CNTNAP2: variants seen among roughly 807,000 people sequenced by gnomAD.
CNTNAP2 encodes the protein contactin-associated protein-like 2.
In CNTNAP2, 98 loss-of-function variants were observed where a neutral mutation model predicts 155.2. That is an observed-to-expected ratio of 0.63 (90% confidence interval 0.54 to 0.75). The LOEUF (loss-of-function observed/expected upper bound fraction) is 0.75. CNTNAP2 is among the 30% of genes least tolerant of loss of function. The probability of loss-of-function intolerance (pLI) is 0.00; values close to 1 mark genes in which losing one functional copy is unlikely to be tolerated. For missense variants in CNTNAP2, 1,727 were observed against 1,688.1 expected, an observed-to-expected ratio of 1.02 and a Z score of -0.40; for synonymous variants, 651 against 631.2, an observed-to-expected ratio of 1.03 and a Z score of -0.47.
At chr7:146,865,296 G>T (rs1244545029) in intron 3 of CNTNAP2, among the ~76,000 whole-genome samples, 1 of 151,916 alleles carries the variant, frequency 6.6e-6, no homozygotes, top group Admixed American at 6.6e-5. Context: ...AATTGAGTAG[G>T]TTTTTAAATT....
At chr7:146,146,018 C>T (rs1033169223) in intron 1 of CNTNAP2, among the ~76,000 whole-genome samples, 1 of 152,054 alleles carries the variant, frequency 6.6e-6, no homozygotes, top group Middle Eastern at 3.2e-3. Flanking sequence ...AACCACTAAC[C>T]TTTAAATGAT....
chr7:147,585,169 A>G (rs1224029888), intron 12 of CNTNAP2, among the ~76,000 whole-genome samples: 1 of 152,144 alleles, frequency 6.6e-6, no homozygotes, highest in East Asian at 1.9e-4. Flanking sequence ...GTTCCAAATC[A>G]GCAGCAGGCA....
intron 21 of CNTNAP2, chr7:148,381,468 C>A (rs1799058111): frequency 6.6e-6 from 1 of 152,194 alleles, no homozygotes; most frequent in Admixed American, 6.5e-5. Context: ...CTCCTGAAGT[C>A]CAGCCATCTC....
intron 13 of CNTNAP2, among the ~76,000 whole-genome samples, chr7:147,813,037 A>T (rs1798205971): frequency 6.6e-6 from 1 of 152,156 alleles, no homozygotes; most frequent in East Asian, 1.9e-4. Flanking sequence ...TAAACCACAG[A>T]ATCTGAGAGA....
chr7:148,392,787 C>A (rs539904800), intron 22 of CNTNAP2, among the ~76,000 whole-genome samples: 1 of 152,294 alleles, frequency 6.6e-6, no homozygotes, highest in East Asian at 1.9e-4. Context: ...GGCTGAAAAC[C>A]AGCCCTCTTA....
intron 13 of CNTNAP2, among the ~76,000 whole-genome samples, chr7:147,735,498 G>A (rs1347827191): frequency 1.3e-5 from 2 of 152,142 alleles, no homozygotes; most frequent in Non-Finnish European, 2.9e-5. Context: ...TGTATATTCT[G>A]TTGATTTGGG....
intron 13 of CNTNAP2, among the ~76,000 whole-genome samples, chr7:147,743,465 C>T (rs1796987231): frequency 6.6e-6 from 1 of 152,134 alleles, no homozygotes; most frequent in African/African-American, 2.4e-5. Context: ...GTCTTTCTTT[C>T]TCCTCACAGA....
chr7:146,234,866 A>G (rs802576), intron 1 of CNTNAP2, among the ~76,000 whole-genome samples: 10,459 of 152,270 alleles, frequency 0.069, 730 homozygotes, highest in African/African-American at 0.18. Flanking sequence ...GCATTTTAGC[A>G]TATGAGTTGG....
chr7:146,747,762 A>T (rs1438000426), intron 1 of CNTNAP2, among the ~76,000 whole-genome samples: 5 of 152,132 alleles, frequency 3.3e-5, no homozygotes, highest in Non-Finnish European at 7.4e-5. Context: ...ATTCCTAAAA[A>T]TTTCTCCCAG....
At chr7:147,395,537 A>G (rs1796799005) in intron 9 of CNTNAP2, 72 bp from the exon 10 acceptor site, 3 of 1,460,598 alleles carry the variant, frequency 2.1e-6, no homozygotes. Context: ...GGCCAGGTAG[A>G]ATACCCACAA....
At position 148,420,958 on chromosome 7, in the gene CNTNAP2, TGATA is replaced by T. The variant is rs140769234; in HGVS notation, c.*5343_*5346del. On this transcript the variant is annotated 3_prime_UTR_variant, in exon 24 of 24. Transcript: ENST00000361727. Reference sequence around the variant, plus strand: ...ACTAAAATTATATTAGAAACCAGATTGATAAATAAAAAATTCAAAGTAGTTTTAA... The same window carrying T: ...ACTAAAATTATATTAGAAACCAGATTAATAAAAAATTCAAAGTAGTTTTAA... 3,063 of 152,742 alleles carry T rather than the reference TGATA, an allele frequency of 0.02. 36 individuals are homozygous for T. Among genetic ancestry groups the T allele is most frequent in the Non-Finnish European group, 0.028 (1,875 of 68,026 alleles). 9.5% of individuals were successfully genotyped at this position (152,742 alleles called of 1,614,324 possible).
chr7:146,221,443 A>G (rs1056706161), intron 1 of CNTNAP2, among the ~76,000 whole-genome samples: 1 of 152,226 alleles, frequency 6.6e-6, no homozygotes, highest in African/African-American at 2.4e-5. Context: ...GAATTTATAC[A>G]GAAGGATATA....
intron 1 of CNTNAP2, among the ~76,000 whole-genome samples, chr7:146,680,810 T>C (rs1251374896): frequency 6.6e-6 from 1 of 152,226 alleles, no homozygotes; most frequent in Non-Finnish European, 1.5e-5. Context: ...GAAAGAAACA[T>C]GTCACTGATC....
chr7:146,798,535 G>A (rs1802812510), intron 2 of CNTNAP2, among the ~76,000 whole-genome samples: 1 of 151,970 alleles, frequency 6.6e-6, no homozygotes, highest in Admixed American at 6.6e-5. Context: ...TAGTAGAGAT[G>A]GGGTTTTGCC....
At chr7:146,450,070 A>G (rs1796456688) in intron 1 of CNTNAP2, among the ~76,000 whole-genome samples, 1 of 152,184 alleles carries the variant, frequency 6.6e-6, no homozygotes, top group Admixed American at 6.5e-5. Flanking sequence ...GTTATTTACC[A>G]ACACTGTTTC....
chr7:147,552,637 C>A (rs550270604), intron 11 of CNTNAP2, among the ~76,000 whole-genome samples: 1 of 151,340 alleles, frequency 6.6e-6, no homozygotes, highest in South Asian at 2.1e-4. Flanking sequence ...ATCTACACTT[C>A]CAAGAGTCAT....
At chr7:147,037,881 A>T (rs1259695277) in intron 3 of CNTNAP2, among the ~76,000 whole-genome samples, 1 of 152,176 alleles carries the variant, frequency 6.6e-6, no homozygotes, top group Non-Finnish European at 1.5e-5. Flanking sequence ...GACATTTCAC[A>T]TATATTTACA....
intron 3 of CNTNAP2, among the ~76,000 whole-genome samples, chr7:146,864,150 A>G (rs1208982648): frequency 6.6e-6 from 1 of 152,116 alleles, no homozygotes; most frequent in Non-Finnish European, 1.5e-5. Flanking sequence ...ACCAAGACAT[A>G]AAAATTACAA....
chr7:147,214,364 A>G (rs916121047), intron 8 of CNTNAP2, among the ~76,000 whole-genome samples: 8 of 152,266 alleles, frequency 5.3e-5, no homozygotes, highest in African/African-American at 1.9e-4. Context: ...TTAATAATAT[A>G]GGACACTGGC....
Sources: allele counts gnomAD v4.1 joint callset (sites outside exome capture counted in the v4.1 genomes callset), GRCh38; gene constraint gnomAD v4.1.1; transcripts MANE v1.5; gene names NCBI Gene and HGNC (gene_info 2026-07-23, HGNC 2026-07-21).